Variants in INPP5B observed in about 807,000 individuals in gnomAD.
The protein encoded by INPP5B is inositol polyphosphate-5-phosphatase B.
In INPP5B, 90 loss-of-function variants were observed where a neutral mutation model predicts 118.5. That is an observed-to-expected ratio of 0.76 (90% CI 0.64 to 0.90). INPP5B has a LOEUF of 0.90. Ranked by LOEUF, INPP5B falls within the 40% of genes least tolerant of loss-of-function variation. The pLI is 0.00. For synonymous variants in INPP5B, 385 were observed against 418.9 expected (o/e 0.92, Z 0.99); for missense variants, 984 against 1,125.6 (o/e 0.87, Z 1.80).
At chr1:37,924,548 T>C (rs903359488) in intron 7 of INPP5B, among the ~76,000 whole-genome samples, 2 of 152,110 alleles carry the variant, frequency 1.3e-5, no homozygotes, top group Non-Finnish European at 2.9e-5. Flanking sequence ...TGTGTGACTT[T>C]CCAGGAGGCA....
intron 7 of INPP5B, chr1:37,929,653 G>GA (rs1645372806): frequency 6.6e-6 from 1 of 152,084 alleles, no homozygotes; most frequent in South Asian, 2.1e-4. Flanking sequence ...TGAGGGGCTT[G>GA]ATACCATTTC....
chr1:37,931,606 C>T, intron 7 of INPP5B: 1 of 1,537,746 alleles, frequency 6.5e-7, no homozygotes, highest in South Asian at 1.2e-5. Flanking sequence ...CCCTGCCCAC[C>T]CGAGGGCCGG....
intron 5 of INPP5B, 48 bp from the exon 6 acceptor site, chr1:37,940,846 T>C (rs749743837): frequency 7.6e-7 from 1 of 1,318,484 alleles, no homozygotes; most frequent in Non-Finnish European, 1.1e-6. Context: ...AGGAGCTAAG[T>C]GCTTGATGCA....
rs1298370704 is a variant in INPP5B at position 37,861,071 on chromosome 1, C to G, written c.*1244G>C. ...CCCAAACTCCTGGTCTCAAGTGATG[C>G]TCCCACCTCAGTCTCCCAAAGTGCC... On this transcript the variant is annotated 3_prime_UTR_variant, in exon 24 of 24. Coordinates refer to ENST00000373024, the MANE Select transcript of INPP5B (RefSeq NM_005540.3). 6.6e-6 allele frequency: 1 copy of G among 152,238 alleles called. No homozygotes were observed. Among genetic ancestry groups the G allele is most frequent in the Non-Finnish European group, 1.5e-5 (1 of 68,070 alleles). 9.4% of individuals were successfully genotyped at this position (152,238 alleles called of 1,614,324 possible). A position where few individuals can be genotyped will look rare whatever the true frequency, so the allele number is the denominator to read the frequency against.
intron 6 of INPP5B, 89 bp from the exon 7 acceptor site, chr1:37,932,142 GT>G: frequency 7.5e-7 from 1 of 1,330,648 alleles, no homozygotes; most frequent in Non-Finnish European, 9.9e-7. Flanking sequence ...CTCCGGCCCT[GT>G]TTCTCCCGCG....
At chr1:37,904,476 C>T (rs1288208945) in intron 7 of INPP5B, among the ~76,000 whole-genome samples, 2 of 152,058 alleles carry the variant, frequency 1.3e-5, no homozygotes, top group Admixed American at 1.3e-4. Context: ...TGTGAACATA[C>T]TGGCTAAAGT....
At chr1:37,897,187 G>T (rs1644144337) in intron 7 of INPP5B, among the ~76,000 whole-genome samples, 1 of 151,900 alleles carries the variant, frequency 6.6e-6, no homozygotes, top group South Asian at 2.1e-4. Flanking sequence ...CGCCTACTGG[G>T]AAGTGAGGAG....
chr1:37,886,152 G>C (rs1267936255), intron 12 of INPP5B, among the ~76,000 whole-genome samples: 1 of 151,794 alleles, frequency 6.6e-6, no homozygotes, highest in Non-Finnish European at 1.5e-5. Context: ...ACTCCAGCCT[G>C]GGAGACAGAG....
At position 37,882,790 on chromosome 1, in the gene INPP5B, C is replaced by T; in HGVS notation, c.1431+17G>A. The T allele has an allele frequency of 6.3e-7, 1 of 1,585,664 alleles. No individual in the cohort carries two copies. The highest frequency in any genetic ancestry group is 1.1e-5 in the South Asian group (1 of 90,486). On this transcript the variant is annotated intron_variant, in intron 14 of 23. Transcript: ENST00000373024. ...GGAGGACAGCTGCTGGAAGAGGGCA[C>T]AGGTGGCCATCTGTACCTGATCATA...
At chr1:37,917,722 G>A (rs1170762496) in intron 7 of INPP5B, among the ~76,000 whole-genome samples, 1 of 152,074 alleles carries the variant, frequency 6.6e-6, no homozygotes. Flanking sequence ...TTGGGACCAG[G>A]AGTTCGAGAC....
At chr1:37,934,197 T>G (rs1218664218) in intron 6 of INPP5B, among the ~76,000 whole-genome samples, 3 of 152,142 alleles carry the variant, frequency 2.0e-5, no homozygotes, top group Non-Finnish European at 4.4e-5. Flanking sequence ...CTCTCAAAAG[T>G]GCTGGGATTA....
chr1:37,871,693 A>C, intron 19 of INPP5B, among the ~76,000 whole-genome samples: 1 of 150,024 alleles, frequency 6.7e-6, no homozygotes, highest in East Asian at 2.0e-4. Flanking sequence ...ACCTGAGGTC[A>C]GGAGTTCAAG....
chr1:37,871,759 T>A (rs539292800), intron 19 of INPP5B, among the ~76,000 whole-genome samples: 1 of 151,332 alleles, frequency 6.6e-6, no homozygotes, highest in Non-Finnish European at 1.5e-5. Context: ...AAAATTAGCA[T>A]GATGGCGGGT....
chr1:37,893,072 T>C (rs1016562820), intron 7 of INPP5B, among the ~76,000 whole-genome samples: 56 of 149,220 alleles, frequency 3.8e-4, no homozygotes, highest in African/African-American at 1.3e-3. Context: ...TGTTTTTTTA[T>C]TATTTTCTTT....
At chr1:37,909,357 T>C (rs1157071841) in intron 7 of INPP5B, among the ~76,000 whole-genome samples, 1 of 151,918 alleles carries the variant, frequency 6.6e-6, no homozygotes, top group Non-Finnish European at 1.5e-5. Flanking sequence ...TCCCAACTCT[T>C]CTTCAACCTC....
At chr1:37,903,878 C>T (rs1644416004) in intron 7 of INPP5B, among the ~76,000 whole-genome samples, 1 of 151,112 alleles carries the variant, frequency 6.6e-6, no homozygotes, top group Non-Finnish European at 1.5e-5. Flanking sequence ...AGATTCTGTC[C>T]AAAAAAAGAA....
chr1:37,882,846 G>C lies in INPP5B; in HGVS notation c.1392C>G (p.Ile464Met). 2 of 1,614,068 alleles carry C rather than the reference G, an allele frequency of 1.2e-6. No individual in the cohort carries two copies. Among genetic ancestry groups the C allele is most frequent in the Non-Finnish European group, 1.7e-6 (2 of 1,180,020 alleles). The change falls in exon 14 of 24, where the codon ATC becomes ATG. Residue 464 changes from isoleucine (I) to methionine (M), a missense_variant. Physicochemically the swap from Ile to Met is conservative, Grantham distance 10. Transcript: ENST00000373024. ...ELDVEKVKKL[I>M]EEKDFQMLYA... is the part of the protein sequence containing the mutation. ...ACAGCATTTGAAAGTCCTTCTCTTC[G>C]ATGAGCTTTTTCACTTTTTCCACAT...
rs551189602 is a variant in INPP5B at position 37,881,305 on chromosome 1, A to G, written c.1432-1111T>C. On this transcript the variant is annotated intron_variant, in intron 14 of 23. Transcript: ENST00000373024. ...CCTCATAGGGTCTTTAGAAAGATTCACTGTCAACTTAAACAGTGCCTGACA... is the reference window on the plus strand; with the variant it reads ...CCTCATAGGGTCTTTAGAAAGATTCGCTGTCAACTTAAACAGTGCCTGACA... Among the ~76,000 whole-genome samples, 37 of 152,314 alleles carry G rather than the reference A, an allele frequency of 2.4e-4. No individual in the cohort carries two copies. The South Asian group carries it at 7.0e-3, about 29-fold the overall frequency.
chr1:37,880,050 G>T, intron 15 of INPP5B, 35 bp downstream of exon 15: 1 of 1,429,782 alleles, frequency 7.0e-7, no homozygotes, highest in Non-Finnish European at 9.7e-7. Context: ...CTGGGTTTCC[G>T]TTTGCTCAAC....
Sources: allele counts gnomAD v4.1 joint callset (sites outside exome capture counted in the v4.1 genomes callset), GRCh38; gene constraint gnomAD v4.1.1; transcripts MANE v1.5; gene names NCBI Gene and HGNC (gene_info 2026-07-23, HGNC 2026-07-21).